Variants in B4GALT5 observed in about 807,000 individuals in gnomAD.
The protein encoded by B4GALT5 is UDP-Gal:beta-GlcNAc beta-1,4-galactosyltransferase 5.
In B4GALT5, 11 loss-of-function variants were observed where a neutral mutation model predicts 45.0. That is an observed-to-expected ratio of 0.24 (90% CI 0.15 to 0.40). B4GALT5 has a LOEUF of 0.40. B4GALT5 is among the 10% of genes least tolerant of loss of function. B4GALT5 has a pLI of 1.00. For missense variants in B4GALT5, 337 were observed against 500.2 expected, an observed-to-expected ratio of 0.67 and a Z score of 3.11; for synonymous variants, 185 against 182.9, an observed-to-expected ratio of 1.01 and a Z score of -0.09.
intron 1 of B4GALT5, among the ~76,000 whole-genome samples, chr20:49,710,557 T>G (rs972682205): frequency 2.6e-5 from 4 of 151,820 alleles, no homozygotes; most frequent in African/African-American, 9.7e-5. Flanking sequence ...GTAGCTGGGA[T>G]TACAGGCACC....
At chr20:49,703,930 G>A (rs1281926672) in intron 1 of B4GALT5, among the ~76,000 whole-genome samples, 2 of 151,366 alleles carry the variant, frequency 1.3e-5, no homozygotes, top group Non-Finnish European at 2.9e-5. Flanking sequence ...ACTATATCAT[G>A]AATCCTAAAG....
At chr20:49,673,085 A>C (rs1253321419) in intron 1 of B4GALT5, among the ~76,000 whole-genome samples, 1 of 152,118 alleles carries the variant, frequency 6.6e-6, no homozygotes, top group East Asian at 1.9e-4. Flanking sequence ...CTGGTTTACA[A>C]AAATACAGTG....
intron 1 of B4GALT5, among the ~76,000 whole-genome samples, chr20:49,658,878 T>C (rs1373746500): frequency 6.6e-6 from 1 of 152,192 alleles, no homozygotes. Context: ...ATAATAAATA[T>C]AAGCAACATT....
intron 1 of B4GALT5, among the ~76,000 whole-genome samples, chr20:49,677,957 A>G (rs1211355576): frequency 6.6e-6 from 1 of 152,248 alleles, no homozygotes; most frequent in Non-Finnish European, 1.5e-5. Flanking sequence ...CATGTTGGTC[A>G]GGCTGGTCTC....
intron 1 of B4GALT5, among the ~76,000 whole-genome samples, chr20:49,694,253 C>T (rs2085828267): frequency 6.6e-6 from 1 of 152,054 alleles, no homozygotes; most frequent in Admixed American, 6.6e-5. Context: ...TTTACCTAGG[C>T]TTCACACCTA....
At chr20:49,662,867 G>A (rs1378172252) in intron 1 of B4GALT5, among the ~76,000 whole-genome samples, 3 of 152,150 alleles carry the variant, frequency 2.0e-5, no homozygotes, top group Non-Finnish European at 2.9e-5. Context: ...ACCATCCAAA[G>A]GAGACTGGTT....
intron 1 of B4GALT5, among the ~76,000 whole-genome samples, chr20:49,685,705 A>G (rs923629565): frequency 6.6e-6 from 1 of 152,210 alleles, no homozygotes; most frequent in African/African-American, 2.4e-5. Flanking sequence ...TATCCAGACA[A>G]TAGGTAGAAA....
intron 1 of B4GALT5, among the ~76,000 whole-genome samples, chr20:49,672,088 G>T (rs949113308): frequency 5.3e-5 from 8 of 152,002 alleles, no homozygotes; most frequent in African/African-American, 2.4e-5. Flanking sequence ...CCTCTATCTA[G>T]CCTACCATCC....
chr20:49,711,790 T>C (rs766706258), intron 1 of B4GALT5, among the ~76,000 whole-genome samples: 17 of 152,234 alleles, frequency 1.1e-4, no homozygotes, highest in Non-Finnish European at 2.1e-4. Context: ...CCAGATCTAG[T>C]TGATAGTTCA....
intron 2 of B4GALT5, among the ~76,000 whole-genome samples, chr20:49,651,675 C>A (rs2085623441): frequency 6.6e-6 from 1 of 152,194 alleles, no homozygotes; most frequent in African/African-American, 2.4e-5. Flanking sequence ...ATATCATGGG[C>A]TTGCAGACCA....
At chr20:49,646,386 T>C (rs1046920207) in intron 3 of B4GALT5, among the ~76,000 whole-genome samples, 1 of 151,956 alleles carries the variant, frequency 6.6e-6, no homozygotes, top group Non-Finnish European at 1.5e-5. Flanking sequence ...GCTCCGTTCA[T>C]GGTAAGTACC....
intron 3 of B4GALT5, 21 bp downstream of exon 3, chr20:49,646,944 A>G: frequency 6.7e-7 from 1 of 1,496,044 alleles, no homozygotes; most frequent in South Asian, 1.2e-5. Flanking sequence ...GCAGAGGAAG[A>G]CAGGCCAGAG....
At chr20:49,664,021 T>A (rs1568722765) in intron 1 of B4GALT5, among the ~76,000 whole-genome samples, 1 of 151,944 alleles carries the variant, frequency 6.6e-6, no homozygotes, top group African/African-American at 2.4e-5. Flanking sequence ...CCCCACAAAT[T>A]ACATGTTGAT....
In B4GALT5 at chr20:49,709,509, C is replaced by T. The variant is rs112261396; in HGVS notation, c.115+4067G>A. Among the ~76,000 whole-genome samples, 276 of 152,298 alleles carry T rather than the reference C, an allele frequency of 1.8e-3. 1 individual carries two copies. The highest frequency in any genetic ancestry group is 6.3e-3 in the African/African-American group (262 of 41,562). On this transcript the variant is annotated intron_variant, in intron 1 of 8. Transcript: ENST00000371711. ...ACTCCCGGCCAGGCACGGTGGCTCA[C>T]GCCTGTAATCCTAGCACTTTGGGAG...
At chr20:49,644,513 T>G (rs1601247312) in intron 3 of B4GALT5, among the ~76,000 whole-genome samples, 1 of 152,296 alleles carries the variant, frequency 6.6e-6, no homozygotes, top group South Asian at 2.1e-4. Flanking sequence ...GGACCCTGAG[T>G]GATTATGTCC....
rs6019976 is a variant in B4GALT5, at chr20:49,689,485, G to A, written c.115+24091C>T. The stretch of plus-strand genomic sequence containing the variant: ...TGAAAATTTTTAACATTTTTAAACC[G>A]TTTTATTATGAAAAATTTCAAATAT... On this transcript the variant is annotated intron_variant, in intron 1 of 8. Coordinates refer to ENST00000371711, the MANE Select transcript of B4GALT5 (RefSeq NM_004776.4). 4.3e-3 allele frequency among the ~76,000 whole-genome samples: 658 copies of A among 152,142 alleles called. 6 individuals are homozygous for A. Among genetic ancestry groups the A allele is most frequent in the African/African-American group, 0.015 (618 of 41,504 alleles).
Position 49,713,667 on chromosome 20 carries a change from CAGCAGCCCCCG to C in B4GALT5, c.13_23del (p.Arg5AlafsTer58). 1 of 1,538,584 alleles carries C rather than the reference CAGCAGCCCCCG, an allele frequency of 6.5e-7. No homozygotes were observed. The highest frequency in any genetic ancestry group is 8.8e-7 in the Non-Finnish European group (1 of 1,141,912). ...CGAGCAGCGAGCGGCGCGGCAGCCG[CAGCAGCCCCCG>C]GCGGGCGCGCATGCTGCAGCCAGGC... On this transcript the variant is annotated frameshift_variant, in exon 1 of 9. Coordinates refer to ENST00000371711, the MANE Select transcript of B4GALT5 (RefSeq NM_004776.4). LOFTEE classifies it high-confidence loss of function.
At chr20:49,644,740 C>T (rs1391148669) in intron 3 of B4GALT5, among the ~76,000 whole-genome samples, 3 of 152,110 alleles carry the variant, frequency 2.0e-5, no homozygotes, top group Non-Finnish European at 4.4e-5. Context: ...GTGAGACATG[C>T]AAATGAAACA....
At chr20:49,713,150 G>A (rs1026533877) in intron 1 of B4GALT5, among the ~76,000 whole-genome samples, 2 of 151,556 alleles carry the variant, frequency 1.3e-5, no homozygotes, top group Non-Finnish European at 2.9e-5. Flanking sequence ...AAGAGCGGGC[G>A]CGCCGCGGGG....
Sources: allele counts gnomAD v4.1 joint callset (sites outside exome capture counted in the v4.1 genomes callset), GRCh38; gene constraint gnomAD v4.1.1; transcripts MANE v1.5; gene names NCBI Gene and HGNC (gene_info 2026-07-23, HGNC 2026-07-21).